The following MYT1 variants were observed in gnomAD, a reference collection of about 807,000 sequenced individuals.
The protein encoded by MYT1 is myelin transcription factor I.
A neutral mutation model predicts 123.0 loss-of-function variants in MYT1; 23 were observed. That is an observed-to-expected ratio of 0.19 (90% CI 0.13 to 0.26). The LOEUF is 0.26. Among genes scored for constraint, MYT1 ranks in the 10% least tolerant of loss-of-function variants. The probability of loss-of-function intolerance (pLI) is 1.00; values close to 1 mark genes in which losing one functional copy is unlikely to be tolerated. For synonymous variants in MYT1, 518 were observed against 575.3 expected (o/e 0.90, Z 1.43); for missense variants, 1,125 against 1,472.5 (o/e 0.76, Z 3.86).
intron 7 of MYT1, among the ~76,000 whole-genome samples, chr20:64,209,398 G>A (rs1335861528): frequency 6.6e-6 from 1 of 152,208 alleles, no homozygotes; most frequent in Non-Finnish European, 1.5e-5. Flanking sequence ...CCGGCCTGGT[G>A]CGGAGGGCCT....
At chr20:64,184,115 C>T (rs1224720988) in intron 1 of MYT1, among the ~76,000 whole-genome samples, 5 of 152,118 alleles carry the variant, frequency 3.3e-5, no homozygotes, top group South Asian at 2.1e-4. Context: ...CCACTGCTCC[C>T]GGCCGACAGT....
chr20:64,177,644 CACCCCTCTCCAGGGCAGGGACAAGAGGGT>C (rs1371313955), intron 1 of MYT1, among the ~76,000 whole-genome samples: 540 of 145,498 alleles, frequency 3.7e-3, no homozygotes, highest in African/African-American at 0.015. Context: ...GACAAGAGGG[CACCCCTCTCCAGGGCAGGGACAAGAGGGT>C]ACCCCTCTCC....
chr20:64,211,267 C>A lies in MYT1; in HGVS notation c.1353C>A (p.Gly451=). Residue 451 remains glycine (G), a synonymous_variant, in exon 8 of 23, where the codon GGC becomes GGA. Transcript: ENST00000328439. ...CAACACCAGGCTGTGATGGCACTGG[C>A]CACGTTACCGGGTTGTACCCTCACC... ...KCPTPGCDGT[G]HVTGLYPHHR... is the part of the protein sequence containing the mutation. 6.2e-7 allele frequency: 1 copy of A among 1,614,134 alleles called. No individual in the cohort carries two copies. The highest frequency in any genetic ancestry group is 8.5e-7 in the Non-Finnish European group (1 of 1,179,984).
In MYT1 at chr20:64,168,889, C is replaced by A. The variant is rs577536893; in HGVS notation, c.-99+4150C>A. On this transcript the variant is annotated intron_variant, in intron 1 of 22. Coordinates refer to ENST00000328439, the MANE Select transcript of MYT1 (RefSeq NM_004535.3). This position sits in a 1 kb window ranked among gnomAD's most constrained non-coding sequence, Gnocchi z 6.1. The stretch of plus-strand genomic sequence containing the variant: ...ATGCTCGGGAGGAAAGGTGGAGGCA[C>A]CATATGGCCTGAGCTGCTGACAGAT... Among the ~76,000 whole-genome samples, 1 of 152,286 alleles carries A rather than the reference C, an allele frequency of 6.6e-6. No homozygotes were observed. The highest frequency in any genetic ancestry group is 2.1e-4 in the South Asian group (1 of 4,826).
intron 21 of MYT1, among the ~76,000 whole-genome samples, chr20:64,239,528 C>T (rs1984650751): frequency 6.6e-6 from 1 of 152,126 alleles, no homozygotes; most frequent in Admixed American, 6.5e-5. Context: ...ACACGAGCCC[C>T]CTTCCTGGCT....
In MYT1 at chr20:64,218,919, T is replaced by G; in HGVS notation, c.1855T>G (p.Tyr619Asp). The G allele has an allele frequency of 1.1e-5, 17 of 1,613,668 alleles. No homozygotes were observed. The highest frequency in any genetic ancestry group is 1.4e-5 in the Non-Finnish European group (16 of 1,180,046). Residue 619 changes from tyrosine (Y) to aspartate (D), a missense_variant, in exon 12 of 23, where the codon TAC (tyrosine) becomes GAC (aspartate). Around this residue, in one of 4 missense-constraint regions of MYT1, gnomAD observed 429 missense variants for 604.1 expected, o/e 0.71. Coordinates refer to ENST00000328439, the MANE Select transcript of MYT1 (RefSeq NM_004535.3). The surrounding 1 kb of genome is among the most constrained non-coding windows in gnomAD (Gnocchi z 4.0). ...TTCATCCTCTTCTGCAGGCTTTGAC[T>G]ACTCGCAGGACGCCGAGGCTGCACA... Reference protein sequence around the residue: ...TSPKAFQCFDYSQDAEAAHMA... With the variant: ...TSPKAFQCFDDSQDAEAAHMA...
In MYT1 at chr20:64,232,235, G is replaced by T; in HGVS notation, c.2747G>T (p.Gly916Val). The T allele has an allele frequency of 6.2e-7, 1 of 1,613,186 alleles. No homozygotes were observed. Among genetic ancestry groups the T allele is most frequent in the Non-Finnish European group, 8.5e-7 (1 of 1,180,014 alleles). The change falls in exon 19 of 23, where the codon GGC (glycine) becomes GTC (valine). Residue 916 changes from glycine to valine, a missense_variant. Gly to Val is a moderately radical substitution (Grantham distance 109). This residue lies in a region of MYT1 where 243 missense variants were observed against 323.1 expected (regional missense o/e 0.75). Transcript: ENST00000328439. This position sits in a 1 kb window ranked among gnomAD's most constrained non-coding sequence, Gnocchi z 6.9. Reference sequence around the variant, plus strand: ...TACGCCTCTCACAGGAGCGCATCCGGCTGCCCACTGGCCGCCCGCAGGCAG... The same window carrying T: ...TACGCCTCTCACAGGAGCGCATCCGTCTGCCCACTGGCCGCCCGCAGGCAG... ...GKYASHRSAS[G>V]CPLAARRQKE...
chr20:64,221,938 C>G lies in MYT1; in HGVS notation c.2287C>G (p.Gln763Glu), dbSNP rs1018344091. Residue 763 changes from glutamine to glutamate, a missense_variant, in exon 14 of 23, where the codon CAG (glutamine) becomes GAG (glutamate). This residue lies in a region of MYT1 where 429 missense variants were observed against 604.1 expected (regional missense o/e 0.71). Transcript: ENST00000328439. ...HSFASSEADDQEVSEENFEER... is the reference protein window; with the variant it reads ...HSFASSEADDEEVSEENFEER... ...TTTTGCTTCTTCTGAAGCAGATGAC[C>G]AGGAAGTGTCGGAAGAGAATTTTGA... is the stretch of plus-strand genomic sequence containing the variant. The G allele has an allele frequency of 1.9e-6, 3 of 1,613,610 alleles. No homozygotes were observed. The African/African-American group carries it at 4.0e-5, about 22-fold the overall frequency.
At chr20:64,234,627 G>C (rs1033059149) in intron 19 of MYT1, among the ~76,000 whole-genome samples, 1 of 151,834 alleles carries the variant, frequency 6.6e-6, no homozygotes, top group African/African-American at 2.4e-5. Flanking sequence ...GGCTGGCCGT[G>C]GTGGGTGACC....
intron 19 of MYT1, among the ~76,000 whole-genome samples, chr20:64,234,151 A>G (rs1040016587): frequency 2.0e-5 from 3 of 152,234 alleles, no homozygotes; most frequent in Admixed American, 6.5e-5. Flanking sequence ...TATGGTGTGG[A>G]TACAATCACT....
At chr20:64,201,125 G>A (rs1983285247) in intron 4 of MYT1, among the ~76,000 whole-genome samples, 1 of 152,238 alleles carries the variant, frequency 6.6e-6, no homozygotes, top group Non-Finnish European at 1.5e-5. Context: ...AGGCACAGGA[G>A]TTGAGGAAAC....
At chr20:64,230,283 C>T (rs1055509620) in intron 18 of MYT1, among the ~76,000 whole-genome samples, 35 of 152,274 alleles carry the variant, frequency 2.3e-4, no homozygotes, top group Middle Eastern at 3.4e-3. Flanking sequence ...GAGGCTGAGG[C>T]GGGTGGATCA....
In MYT1 at chr20:64,212,200, TGGGGGCCGTGGTGG is replaced by T. The variant is rs1983692846; in HGVS notation, c.1517+66_1517+79del. On this transcript the variant is annotated intron_variant, in intron 9 of 22. Coordinates refer to ENST00000328439, the MANE Select transcript of MYT1 (RefSeq NM_004535.3). The surrounding 1 kb of genome is among the most constrained non-coding windows in gnomAD (Gnocchi z 6.8). ...GTGGGGGCCGTGGTGGGGGCCAGGG[TGGGGGCCGTGGTGG>T]GGGCCAGGGTGGGGGCCGTGGTGGG... The T allele has an allele frequency of 7.4e-5, 2 of 27,170 alleles. No homozygotes were observed. The highest frequency in any genetic ancestry group is 7.6e-4 in the African/African-American group (2 of 2,630). The allele number at this position is 27,170 out of a possible 1,614,324, so 1.7% of individuals were successfully genotyped here. A position where few individuals can be genotyped will look rare whatever the true frequency, so the allele number is the denominator to read the frequency against.
chr20:64,173,355 T>C (rs1044893500), intron 1 of MYT1, among the ~76,000 whole-genome samples: 3 of 152,182 alleles, frequency 2.0e-5, no homozygotes, highest in African/African-American at 7.2e-5. Flanking sequence ...TGGGTGTCTT[T>C]TGTGGGCTTC....
Position 64,208,537 on chromosome 20 carries a change from C to T in MYT1, c.1291+50C>T, listed in dbSNP as rs1462369274. The T allele has an allele frequency of 6.5e-7, 1 of 1,530,220 alleles. No homozygotes were observed. The highest frequency in any genetic ancestry group is 8.8e-7 in the Non-Finnish European group (1 of 1,138,098). 94.8% of individuals were successfully genotyped at this position (1,530,220 alleles called of 1,614,324 possible). On this transcript the variant is annotated intron_variant, in intron 7 of 22. Coordinates refer to ENST00000328439, the MANE Select transcript of MYT1 (RefSeq NM_004535.3). The surrounding 1 kb of genome is among the most constrained non-coding windows in gnomAD (Gnocchi z 5.4). Reference sequence around the variant, plus strand: ...CTGCAGACTCATCCTTTCACCCCTGCCCCAGGTGTGCAGATGCAGGCTGAG... The same window carrying T: ...CTGCAGACTCATCCTTTCACCCCTGTCCCAGGTGTGCAGATGCAGGCTGAG...
At chr20:64,234,314 G>T (rs1984430219) in intron 19 of MYT1, among the ~76,000 whole-genome samples, 1 of 145,500 alleles carries the variant, frequency 6.9e-6, no homozygotes, top group African/African-American at 2.7e-5. Flanking sequence ...CCTCTGGGAG[G>T]TCAGGGCTGC....
rs550003252 is a variant in MYT1, at chr20:64,203,066, T to C, written c.87-1969T>C. Among the ~76,000 whole-genome samples, 20 of 152,260 alleles carry C rather than the reference T, an allele frequency of 1.3e-4. No homozygotes were observed. In the South Asian group the frequency reaches 4.1e-3, roughly 32 times the overall value. Reference sequence around the variant, plus strand: ...TCGGCTGTGGGGTGGGGAGCAGGCATCTAAGGGGTTTCCAGCTTCCTGTCC... The same window carrying C: ...TCGGCTGTGGGGTGGGGAGCAGGCACCTAAGGGGTTTCCAGCTTCCTGTCC... On this transcript the variant is annotated intron_variant, in intron 4 of 22. Coordinates refer to ENST00000328439, the MANE Select transcript of MYT1 (RefSeq NM_004535.3). This position sits in a 1 kb window ranked among gnomAD's most constrained non-coding sequence, Gnocchi z 5.1.
rs1984531366 is a variant in MYT1, at chr20:64,236,160, TG to T, written c.2898-392del. Among the ~76,000 whole-genome samples the T allele has an allele frequency of 1.5e-5, 2 of 132,386 alleles. 1 individual carries two copies. The highest frequency in any genetic ancestry group is 1.5e-4 in the Admixed American group (2 of 13,786). 86.9% of individuals were successfully genotyped at this position (132,386 alleles called of 152,430 possible). A position where few individuals can be genotyped will look rare whatever the true frequency, so the allele number is the denominator to read the frequency against. ...CTGGGATGGTCGCGGTGGGTGACCC[TG>T]GGCTGGCCGTGGTGGGTGACCCTGG... On this transcript the variant is annotated intron_variant, in intron 19 of 22. Coordinates refer to ENST00000328439, the MANE Select transcript of MYT1 (RefSeq NM_004535.3).
intron 16 of MYT1, among the ~76,000 whole-genome samples, chr20:64,224,805 A>C (rs1343373390): frequency 6.6e-6 from 1 of 152,068 alleles, no homozygotes; most frequent in Non-Finnish European, 1.5e-5. Flanking sequence ...TTTGGGCCTG[A>C]ATAATTTAAG....
Sources: gnomAD v4.1 joint callset for allele counts (sites outside exome capture counted in the v4.1 genomes callset) on GRCh38, gnomAD v4.1.1 for gene constraint, gnomAD v4.1.1 regional missense constraint, Gnocchi (gnomAD v3.1) non-coding constraint, MANE v1.5 for transcripts, NCBI Gene and HGNC (gene_info 2026-07-23, HGNC 2026-07-21) for gene names.